The following ARHGAP42 variants were observed in gnomAD, a reference collection of about 807,000 sequenced individuals.
ARHGAP42 encodes rho GTPase-activating protein 42.
Under a neutral mutation model 125.0 loss-of-function variants are expected in ARHGAP42, and 63 were observed. The observed-to-expected ratio is 0.50, with a 90% CI of 0.41 to 0.62. The LOEUF (loss-of-function observed/expected upper bound fraction) is 0.62, where lower values mean the gene tolerates loss of function less well. ARHGAP42 is among the 20% of genes least tolerant of loss of function. The probability of loss-of-function intolerance (pLI) is 0.00; values close to 1 mark genes in which losing one functional copy is unlikely to be tolerated. For synonymous variants in ARHGAP42, 339 were observed against 351.0 expected, an observed-to-expected ratio of 0.97 and a Z score of 0.38; for missense variants, 766 against 1,024.2, an observed-to-expected ratio of 0.75 and a Z score of 3.44.
chr11:100,763,804 C>G (rs1458601805), intron 1 of ARHGAP42, among the ~76,000 whole-genome samples: 1 of 152,110 alleles, frequency 6.6e-6, no homozygotes, highest in Non-Finnish European at 1.5e-5. Flanking sequence ...TGTCTTTTAA[C>G]ATGGTGTTTT....
chr11:100,728,312 A>G (rs534554592), intron 1 of ARHGAP42, among the ~76,000 whole-genome samples: 1 of 152,314 alleles, frequency 6.6e-6, no homozygotes, highest in East Asian at 1.9e-4. Flanking sequence ...CCTACATTGT[A>G]TGATGATTGG....
chr11:100,784,036 C>A (rs1863375795), intron 2 of ARHGAP42, among the ~76,000 whole-genome samples: 1 of 152,016 alleles, frequency 6.6e-6, no homozygotes, highest in African/African-American at 2.4e-5. Flanking sequence ...AGTATCAGAG[C>A]CAGAGAAGGG....
At chr11:100,875,762 G>A (rs913660697) in intron 4 of ARHGAP42, among the ~76,000 whole-genome samples, 5 of 38,402 alleles carry the variant, frequency 1.3e-4, no homozygotes, top group East Asian at 8.8e-4. Flanking sequence ...CCAGGGTGGC[G>A]GGGGGTGACT....
chr11:100,830,372 G>A (rs1477070730), intron 3 of ARHGAP42, among the ~76,000 whole-genome samples: 1 of 152,196 alleles, frequency 6.6e-6, no homozygotes, highest in Non-Finnish European at 1.5e-5. Flanking sequence ...TGTAATTTGA[G>A]TGGTTTGGTG....
chr11:100,709,821 A>G (rs1475280727), intron 1 of ARHGAP42, among the ~76,000 whole-genome samples: 1 of 152,252 alleles, frequency 6.6e-6, no homozygotes, highest in African/African-American at 2.4e-5. Context: ...AGTTTGCTGC[A>G]GTCCACCAGA....
chr11:100,972,490 A>G (rs974822903), intron 17 of ARHGAP42, among the ~76,000 whole-genome samples: 1 of 151,746 alleles, frequency 6.6e-6, no homozygotes, highest in Non-Finnish European at 1.5e-5. Flanking sequence ...ACAGCACCCA[A>G]TACTAGGGAG....
intron 1 of ARHGAP42, among the ~76,000 whole-genome samples, chr11:100,730,222 A>AT (rs559738402): frequency 8.1e-4 from 120 of 147,384 alleles, no homozygotes; most frequent in East Asian, 2.6e-3. Flanking sequence ...GGACATCATG[A>AT]TTTTTTTTTT....
chr11:100,917,110 G>T (rs561235977), intron 5 of ARHGAP42, among the ~76,000 whole-genome samples: 1 of 151,608 alleles, frequency 6.6e-6, no homozygotes, highest in Non-Finnish European at 1.5e-5. Flanking sequence ...ACATTTCTCT[G>T]TCATAGTAAC....
intron 1 of ARHGAP42, among the ~76,000 whole-genome samples, chr11:100,733,606 C>A (rs562298433): frequency 6.6e-6 from 1 of 152,010 alleles, no homozygotes; most frequent in Non-Finnish European, 1.5e-5. Flanking sequence ...GGCAGATCAC[C>A]TGAGGTCAGG....
In ARHGAP42 at chr11:100,913,445, C is replaced by T; in HGVS notation, c.385-7C>T. On this transcript the variant is annotated splice_polypyrimidine_tract_variant and splice_region_variant and intron_variant, in intron 4 of 23. Transcript: ENST00000298815. ...AAATATTTTTTGTTGTTATTGCTCTCCTTTAGGATGGAAAGAAGAAGTTTG... is the reference window on the plus strand; with the variant it reads ...AAATATTTTTTGTTGTTATTGCTCTTCTTTAGGATGGAAAGAAGAAGTTTG... 1.6e-6 allele frequency: 2 copies of T among 1,250,978 alleles called. No homozygotes were observed. The highest frequency in any genetic ancestry group is 2.1e-6 in the Non-Finnish European group (2 of 956,068). The allele number at this position is 1,250,978 out of a possible 1,614,324, so 77.5% of individuals were successfully genotyped here.
chr11:100,840,433 G>T (rs999294906), intron 3 of ARHGAP42: 1 of 152,084 alleles, frequency 6.6e-6, no homozygotes, highest in African/African-American at 2.4e-5. Flanking sequence ...AGGATATAAG[G>T]GGCTTGATAT....
intron 1 of ARHGAP42, among the ~76,000 whole-genome samples, chr11:100,706,986 A>G (rs911053820): frequency 3.9e-5 from 6 of 152,226 alleles, no homozygotes; most frequent in Admixed American, 3.9e-4. Flanking sequence ...GATTTTTCAT[A>G]TAAATTGAAC....
At chr11:100,875,237 T>C in intron 4 of ARHGAP42, among the ~76,000 whole-genome samples, 1 of 152,096 alleles carries the variant, frequency 6.6e-6, no homozygotes, top group South Asian at 2.1e-4. Context: ...ATTTTTTATT[T>C]ATTTTTTGCT....
At chr11:100,807,418 A>G (rs529738012) in intron 3 of ARHGAP42, among the ~76,000 whole-genome samples, 56 of 151,992 alleles carry the variant, frequency 3.7e-4, no homozygotes, top group African/African-American at 1.2e-3. Flanking sequence ...TTGGTCTCGA[A>G]CTCCTGACCT....
intron 1 of ARHGAP42, among the ~76,000 whole-genome samples, chr11:100,728,830 G>A (rs1861908669): frequency 1.3e-5 from 2 of 149,150 alleles, no homozygotes; most frequent in African/African-American, 5.0e-5. Context: ...ATGCAGTGGC[G>A]TGATCTCGGT....
intron 4 of ARHGAP42, among the ~76,000 whole-genome samples, chr11:100,893,421 T>G (rs1413119813): frequency 6.6e-6 from 1 of 152,072 alleles, no homozygotes; most frequent in Non-Finnish European, 1.5e-5. Flanking sequence ...TTGTTAGTAA[T>G]AAAATTGATT....
At chr11:100,765,447 G>A (rs1679231225) in intron 1 of ARHGAP42, among the ~76,000 whole-genome samples, 2 of 152,162 alleles carry the variant, frequency 1.3e-5, no homozygotes, top group South Asian at 2.1e-4. Context: ...TGACCTTGGG[G>A]AAGTCACTTA....
intron 17 of ARHGAP42, among the ~76,000 whole-genome samples, chr11:100,971,463 G>C (rs1202053906): frequency 6.6e-6 from 1 of 152,270 alleles, no homozygotes; most frequent in East Asian, 1.9e-4. Flanking sequence ...CTCCCTACAT[G>C]AATTGGGGAA....
At chr11:100,748,525 C>T (rs1862360646) in intron 1 of ARHGAP42, among the ~76,000 whole-genome samples, 1 of 152,190 alleles carries the variant, frequency 6.6e-6, no homozygotes, top group South Asian at 2.1e-4. Context: ...TAGCCTTATA[C>T]TTTAAGGTTC....
Sources: allele counts gnomAD v4.1 joint callset (sites outside exome capture counted in the v4.1 genomes callset), GRCh38; gene constraint gnomAD v4.1.1; transcripts MANE v1.5; gene names NCBI Gene and HGNC (gene_info 2026-07-23, HGNC 2026-07-21).